The following ARID2 variants were observed in gnomAD, a reference collection of about 807,000 sequenced individuals.
ARID2 encodes the protein AT-rich interactive domain-containing protein 2.
A neutral mutation model predicts 184.6 loss-of-function variants in ARID2; 32 were observed. That is an observed-to-expected ratio of 0.17 (90% CI 0.13 to 0.23). The LOEUF is 0.23. ARID2 is among the 10% of genes least tolerant of loss of function. The probability of loss-of-function intolerance (pLI) is 1.00; values close to 1 mark genes in which losing one functional copy is unlikely to be tolerated. For missense variants in ARID2, 1,696 were observed against 2,197.6 expected (o/e 0.77, Z 4.56); for synonymous variants, 836 against 772.6 (o/e 1.08, Z -1.36).
chr12:45,905,004 G>T lies in ARID2; in HGVS notation c.5434G>T (p.Ala1812Ser), dbSNP rs1356378323. The change falls in exon 21 of 21, where the codon GCC becomes TCC. Residue 1812 changes from alanine (A) to serine (S), a missense_variant. Physicochemically the swap from Ala to Ser is moderately conservative, Grantham distance 99 (BLOSUM62 1). This residue lies in a region of ARID2 where 69 missense variants were observed against 118.2 expected (regional missense o/e 0.58). Transcript: ENST00000334344. ...ISNMEASSTL[A>S]KCLYELNFTV... ...TAACATGGAAGCTTCCTCCACCCTT[G>T]CCAAATGCCTTTATGAACTTAATTT... 1 of 1,613,920 alleles carries T rather than the reference G, an allele frequency of 6.2e-7. No homozygotes were observed. The highest frequency in any genetic ancestry group is 1.3e-5 in the African/African-American group (1 of 74,992).
chr12:45,754,337 C>T (rs1238369504), intron 3 of ARID2, among the ~76,000 whole-genome samples: 1 of 152,194 alleles, frequency 6.6e-6, no homozygotes. Flanking sequence ...TTCTTAATCT[C>T]CTTGCCATAC....
intron 3 of ARID2, among the ~76,000 whole-genome samples, chr12:45,795,214 T>C (rs192944903): frequency 6.6e-6 from 1 of 152,312 alleles, no homozygotes; most frequent in Non-Finnish European, 1.5e-5. Flanking sequence ...CATGTGCCAG[T>C]ATCAAAGTCC....
chr12:45,803,664 C>T (rs1592086448), intron 3 of ARID2, among the ~76,000 whole-genome samples: 1 of 152,076 alleles, frequency 6.6e-6, no homozygotes, highest in South Asian at 2.1e-4. Context: ...TATCTTATTG[C>T]ATTTTCATTG....
At chr12:45,741,238 C>A (rs1016001301) in intron 3 of ARID2, among the ~76,000 whole-genome samples, 8 of 152,114 alleles carry the variant, frequency 5.3e-5, no homozygotes, top group African/African-American at 1.9e-4. Context: ...TCTCAAAACA[C>A]CCAGGCTGGA....
chr12:45,856,813 G>T (rs1053147083), intron 15 of ARID2, among the ~76,000 whole-genome samples: 8 of 152,076 alleles, frequency 5.3e-5, no homozygotes, highest in African/African-American at 9.7e-5. Context: ...TAGCTGGGTA[G>T]TTTATATAAA....
At position 45,907,997 on chromosome 12, in the gene ARID2, T is replaced by C. The variant is rs1185623074; in HGVS notation, c.*2919T>C. On this transcript the variant is annotated 3_prime_UTR_variant, in exon 21 of 21. Coordinates refer to ENST00000334344, the MANE Select transcript of ARID2 (RefSeq NM_152641.4). ...ACTTTATAGTCATGTCATGTATGTTTTTTTAACCATGAAATGACAATAAAA... is the reference window on the plus strand; with the variant it reads ...ACTTTATAGTCATGTCATGTATGTTCTTTTAACCATGAAATGACAATAAAA... The C allele has an allele frequency of 4.4e-6, 1 of 228,002 alleles. No individual in the cohort carries two copies. Among genetic ancestry groups the C allele is most frequent in the African/African-American group, 2.2e-5 (1 of 45,078 alleles). 14.1% of individuals were successfully genotyped at this position (228,002 alleles called of 1,614,324 possible).
chr12:45,777,825 A>C (rs1348404184), intron 3 of ARID2, among the ~76,000 whole-genome samples: 2 of 148,008 alleles, frequency 1.4e-5, no homozygotes, highest in African/African-American at 2.4e-5. Flanking sequence ...TTATATAAAT[A>C]TATATTTTAT....
intron 3 of ARID2, among the ~76,000 whole-genome samples, chr12:45,747,720 G>A (rs1037537643): frequency 2.0e-5 from 3 of 152,166 alleles, no homozygotes; most frequent in African/African-American, 4.8e-5. Context: ...TATTAAACAA[G>A]CATCAAGAGT....
At chr12:45,788,420 A>T (rs916675527) in intron 3 of ARID2, among the ~76,000 whole-genome samples, 8 of 152,148 alleles carry the variant, frequency 5.3e-5, no homozygotes, top group Non-Finnish European at 1.2e-4. Context: ...GTTTGATTTC[A>T]TTATCCATAT....
At chr12:45,838,549 C>G (rs1265929538) in intron 10 of ARID2, among the ~76,000 whole-genome samples, 1 of 152,104 alleles carries the variant, frequency 6.6e-6, no homozygotes, top group Middle Eastern at 3.2e-3. Context: ...AGGAAAATCA[C>G]CTGAGCACAG....
Position 45,806,518 on chromosome 12 carries a change from C to T in ARID2, c.285-4900C>T, listed in dbSNP as rs371523625. ...TGTGTTTGAGCTTTTATTTATCATA[C>T]ATATCTTTCATTTTTGTCCACCACT... On this transcript the variant is annotated intron_variant, in intron 3 of 20. Transcript: ENST00000334344. Among the ~76,000 whole-genome samples, 222 of 152,170 alleles carry T rather than the reference C, an allele frequency of 1.5e-3. 3 individuals are homozygous for T. The South Asian group carries it at 0.016, about 11-fold the overall frequency.
At chr12:45,880,325 TTGTC>T (rs1043837201) in intron 16 of ARID2, among the ~76,000 whole-genome samples, 7 of 152,194 alleles carry the variant, frequency 4.6e-5, no homozygotes, top group African/African-American at 1.7e-4. Flanking sequence ...GTGTGAAAAC[TTGTC>T]TGTCTATGAA....
chr12:45,746,351 T>TC (rs1379160238), intron 3 of ARID2, among the ~76,000 whole-genome samples: 2 of 152,102 alleles, frequency 1.3e-5, no homozygotes, highest in Non-Finnish European at 2.9e-5. Context: ...CCTCAAGTGA[T>TC]CCTCCTGGCT....
intron 3 of ARID2, among the ~76,000 whole-genome samples, chr12:45,787,990 G>A (rs1329202973): frequency 2.6e-5 from 4 of 152,186 alleles, no homozygotes; most frequent in Admixed American, 1.3e-4. Context: ...TAAATTGACG[G>A]ATAGCATTGT....
intron 20 of ARID2, among the ~76,000 whole-genome samples, chr12:45,902,778 C>T (rs1242037904): frequency 2.6e-5 from 4 of 151,868 alleles, no homozygotes; most frequent in South Asian, 4.2e-4. Context: ...CTCCTGACCT[C>T]GTGATCCGCC....
At chr12:45,843,797 G>A (rs142582731) in intron 11 of ARID2, among the ~76,000 whole-genome samples, 18 of 152,096 alleles carry the variant, frequency 1.2e-4, no homozygotes, top group East Asian at 1.9e-4. Context: ...TTGATTTTTC[G>A]GAAAATGTCT....
rs117495434 is a variant in ARID2, at chr12:45,820,775, T to C, written c.638-645T>C. Among the ~76,000 whole-genome samples the C allele has an allele frequency of 4.5e-3, 692 of 152,314 alleles. 4 individuals are homozygous for C. Among genetic ancestry groups the C allele is most frequent in the Non-Finnish European group, 8.4e-3 (572 of 68,034 alleles). ...AAATAACACAGGATGTACTTATCTA[T>C]GTGCCTTAAGTTTTTTGGTGGGGAA... On this transcript the variant is annotated intron_variant, in intron 5 of 20. Transcript: ENST00000334344.
rs554877152 is a variant in ARID2 at position 45,812,508 on chromosome 12, ATC to A, written c.418+959_418+960del. Among the ~76,000 whole-genome samples, 58 of 152,318 alleles carry A rather than the reference ATC, an allele frequency of 3.8e-4. No homozygotes were observed. The East Asian group carries it at 0.01, about 26-fold the overall frequency. ...TGCGATCTCCATTAGAAGAGGCTTCATCTGATGCTTTTGTATAATTGGGGTAG... is the reference window on the plus strand; with the variant it reads ...TGCGATCTCCATTAGAAGAGGCTTCATGATGCTTTTGTATAATTGGGGTAG... On this transcript the variant is annotated intron_variant, in intron 4 of 20. Coordinates refer to ENST00000334344, the MANE Select transcript of ARID2 (RefSeq NM_152641.4).
intron 3 of ARID2, chr12:45,775,981 CTAAT>C (rs1473028116): frequency 6.1e-6 from 1 of 163,660 alleles, no homozygotes; most frequent in East Asian, 1.9e-4. Flanking sequence ...CTTCCAGTAA[CTAAT>C]TAATACAATG....
Sources: allele counts gnomAD v4.1 joint callset (sites outside exome capture counted in the v4.1 genomes callset), GRCh38; gene constraint gnomAD v4.1.1; regional missense constraint gnomAD v4.1.1; transcripts MANE v1.5; gene names NCBI Gene and HGNC (gene_info 2026-07-23, HGNC 2026-07-21).